VPS50: variants seen among roughly 807,000 people sequenced by gnomAD.
VPS50 encodes VPS50 subunit of EARP/GARPII complex, also known as syndetin.
VPS50 carries 70 observed loss-of-function variants against 139.7 expected under a neutral mutation model. The ratio of observed to expected loss-of-function variants is 0.50; its 90% confidence interval spans 0.41 to 0.61. The LOEUF (loss-of-function observed/expected upper bound fraction) is 0.61. Among genes scored for constraint, VPS50 ranks in the 20% least tolerant of loss-of-function variants. The probability of loss-of-function intolerance (pLI) is 0.00; values close to 1 mark genes in which losing one functional copy is unlikely to be tolerated. For missense variants in VPS50, 921 were observed against 1,133.7 expected (o/e 0.81, Z 2.69); for synonymous variants, 365 against 376.7 (o/e 0.97, Z 0.36).
intron 10 of VPS50, among the ~76,000 whole-genome samples, chr7:93,271,918 G>A (rs1366172040): frequency 6.6e-6 from 1 of 151,726 alleles, no homozygotes; most frequent in Non-Finnish European, 1.5e-5. Flanking sequence ...TACCTTTTGA[G>A]AAAGTAATTT....
chr7:93,310,710 A>C (rs1797243426), intron 19 of VPS50, among the ~76,000 whole-genome samples: 1 of 151,720 alleles, frequency 6.6e-6, no homozygotes, highest in Admixed American at 6.6e-5. Context: ...ACCCTATTTT[A>C]TGCCGGCCCT....
At chr7:93,286,640 C>T (rs1402153153) in intron 12 of VPS50, among the ~76,000 whole-genome samples, 2 of 152,108 alleles carry the variant, frequency 1.3e-5, no homozygotes, top group African/African-American at 4.8e-5. Flanking sequence ...GTGGAACACT[C>T]AGGTTCCTCT....
intron 11 of VPS50, 116 bp from the exon 12 acceptor site, chr7:93,276,049 T>C: frequency 1.0e-6 from 1 of 967,918 alleles, no homozygotes; most frequent in East Asian, 2.6e-5. Flanking sequence ...GGAAAACTAT[T>C]ATCTTTGTGT....
At chr7:93,310,393 T>TCAA (rs1562880489) in intron 19 of VPS50, among the ~76,000 whole-genome samples, 2 of 152,160 alleles carry the variant, frequency 1.3e-5, no homozygotes, top group South Asian at 4.1e-4. Flanking sequence ...GATTATTAAA[T>TCAA]CAACTCCTTT....
intron 16 of VPS50, 100 bp from the exon 17 acceptor site, chr7:93,303,360 A>G (rs761131743): frequency 1.0e-5 from 5 of 495,256 alleles, no homozygotes; most frequent in East Asian, 3.1e-5. Context: ...GATCATGACA[A>G]TAATCCTATA....
At chr7:93,355,444 G>T (rs1234754858) in intron 26 of VPS50, among the ~76,000 whole-genome samples, 1 of 152,102 alleles carries the variant, frequency 6.6e-6, no homozygotes, top group East Asian at 1.9e-4. Flanking sequence ...TTTTCAGAGT[G>T]TTCATGGGAG....
intron 19 of VPS50, among the ~76,000 whole-genome samples, chr7:93,309,624 C>T (rs1014767791): frequency 6.6e-6 from 1 of 151,788 alleles, no homozygotes; most frequent in African/African-American, 2.4e-5. Context: ...CACTTATTTC[C>T]CCTATGTCAT....
rs1202269778 is a variant in VPS50, at chr7:93,319,798, C to CTT, written c.1856-3813_1856-3812insTT. Reference sequence around the variant, plus strand: ...TCTCTCTTTTTAAAACAATTTCCTCCATTACTCAAATTGGTCCTTTATATC... The same window carrying CTT: ...TCTCTCTTTTTAAAACAATTTCCTCCTTATTACTCAAATTGGTCCTTTATATC... On this transcript the variant is annotated intron_variant, in intron 20 of 27. Coordinates refer to ENST00000305866, the MANE Select transcript of VPS50 (RefSeq NM_017667.4). Among the ~76,000 whole-genome samples the CTT allele has an allele frequency of 2.6e-5, 4 of 152,076 alleles. No homozygotes were observed. The East Asian group carries it at 7.7e-4, about 29-fold the overall frequency.
rs1478263200 is a variant in VPS50, at chr7:93,284,618, T to G, written c.943-7085T>G. Reference sequence around the variant, plus strand: ...GTGTTTTTCTCCCCGATTATATTTGTTTTTAAATCATGAATGAATCCAGTG... The same window carrying G: ...GTGTTTTTCTCCCCGATTATATTTGGTTTTAAATCATGAATGAATCCAGTG... On this transcript the variant is annotated intron_variant, in intron 12 of 27. Transcript: ENST00000305866. Among the ~76,000 whole-genome samples the G allele has an allele frequency of 2.6e-5, 4 of 152,358 alleles. No homozygotes were observed. In the South Asian group the frequency reaches 8.3e-4, roughly 32 times the overall value.
intron 20 of VPS50, among the ~76,000 whole-genome samples, chr7:93,312,206 A>C (rs2116991955): frequency 6.6e-6 from 1 of 152,320 alleles, no homozygotes; most frequent in South Asian, 2.1e-4. Context: ...TGATGCTCAG[A>C]AAAAAGGATA....
intron 27 of VPS50, among the ~76,000 whole-genome samples, chr7:93,356,739 T>C (rs960236536): frequency 2.6e-5 from 4 of 152,198 alleles, no homozygotes; most frequent in Non-Finnish European, 2.9e-5. Context: ...ATATGGCATG[T>C]GTTAAAATTA....
chr7:93,353,242 G>A (rs940025299), intron 25 of VPS50, among the ~76,000 whole-genome samples: 1 of 152,112 alleles, frequency 6.6e-6, no homozygotes, highest in Non-Finnish European at 1.5e-5. Flanking sequence ...AAATAGTTCT[G>A]AACTGAACGC....
chr7:93,318,103 T>C (rs918319833), intron 20 of VPS50, among the ~76,000 whole-genome samples: 1 of 151,384 alleles, frequency 6.6e-6, no homozygotes, highest in Non-Finnish European at 1.5e-5. Context: ...ATATGTTATC[T>C]ATATACTAAT....
intron 2 of VPS50, among the ~76,000 whole-genome samples, chr7:93,245,592 T>C (rs1795126348): frequency 6.6e-6 from 1 of 151,924 alleles, no homozygotes; most frequent in Admixed American, 6.6e-5. Context: ...TACATCATCT[T>C]AATCACTTGA....
intron 22 of VPS50, among the ~76,000 whole-genome samples, chr7:93,337,534 T>G (rs1798099965): frequency 6.6e-6 from 1 of 152,222 alleles, no homozygotes; most frequent in South Asian, 2.1e-4. Context: ...GTGTATATGA[T>G]ATCTAATCCA....
intron 12 of VPS50, among the ~76,000 whole-genome samples, chr7:93,290,258 CCT>C (rs1172866253): frequency 1.3e-5 from 2 of 151,814 alleles, no homozygotes; most frequent in Non-Finnish European, 2.9e-5. Context: ...TATTCTTTTG[CCT>C]CTGTTTTCTG....
At chr7:93,352,985 C>G (rs1030134040) in intron 25 of VPS50, among the ~76,000 whole-genome samples, 4 of 152,048 alleles carry the variant, frequency 2.6e-5, no homozygotes, top group Admixed American at 1.3e-4. Flanking sequence ...CAGCATGACA[C>G]TCAGAGGAAC....
intron 9 of VPS50, among the ~76,000 whole-genome samples, chr7:93,268,159 T>A (rs753154270): frequency 6.6e-6 from 1 of 152,160 alleles, no homozygotes; most frequent in Non-Finnish European, 1.5e-5. Flanking sequence ...CCAAATCATA[T>A]AGAATATTGA....
At chr7:93,269,142 A>G (rs1795932223) in intron 9 of VPS50, among the ~76,000 whole-genome samples, 1 of 151,996 alleles carries the variant, frequency 6.6e-6, no homozygotes, top group Non-Finnish European at 1.5e-5. Flanking sequence ...TTGGGTGAGG[A>G]TTTATTTAAT....
Sources: gnomAD v4.1 joint callset for allele counts (sites outside exome capture counted in the v4.1 genomes callset) on GRCh38, gnomAD v4.1.1 for gene constraint, MANE v1.5 for transcripts, NCBI Gene and HGNC (gene_info 2026-07-23, HGNC 2026-07-21) for gene names.